The following LTA4H variants were observed in gnomAD, a reference collection of about 807,000 sequenced individuals.
LTA4H encodes leukotriene A4 hydrolase, also known as leukotriene A-4 hydrolase.
In LTA4H, 59 loss-of-function variants were observed where a neutral mutation model predicts 89.8. The observed-to-expected ratio is 0.66, with a 90% CI of 0.53 to 0.82. LTA4H has a LOEUF of 0.82. LTA4H is among the 40% of genes least tolerant of loss of function. The pLI, the probability that LTA4H is intolerant of heterozygous loss-of-function variation, is 0.00. For missense variants in LTA4H, 617 were observed against 727.0 expected, an observed-to-expected ratio of 0.85 and a Z score of 1.74; for synonymous variants, 227 against 253.1, an observed-to-expected ratio of 0.90 and a Z score of 0.98.
At chr12:96,005,110 T>C (rs147537513) in intron 16 of LTA4H, among the ~76,000 whole-genome samples, 8 of 152,320 alleles carry the variant, frequency 5.3e-5, no homozygotes, top group East Asian at 3.9e-4. Flanking sequence ...AATCCAGTCA[T>C]TGGTTTATCT....
In LTA4H at chr12:96,012,933, C is replaced by T. The variant is rs1950325050; in HGVS notation, c.1379+255G>A. The T allele has an allele frequency of 9.8e-6, 4 of 409,848 alleles. No homozygotes were observed. In the East Asian group the frequency reaches 1.5e-4, roughly 15 times the overall value. 25.4% of individuals were successfully genotyped at this position (409,848 alleles called of 1,614,324 possible). ...TATTGCAGAAGTTTGAAGGAAGATA[C>T]AATAGCTTATTGTCTAAATCCCTCA... On this transcript the variant is annotated intron_variant, in intron 14 of 18. Transcript: ENST00000228740.
chr12:96,022,399 T>C lies in LTA4H; in HGVS notation c.481-148A>G, dbSNP rs1265223069. On this transcript the variant is annotated intron_variant, in intron 4 of 18. Coordinates refer to ENST00000228740, the MANE Select transcript of LTA4H (RefSeq NM_000895.3). The surrounding 1 kb of genome is among the most constrained non-coding windows in gnomAD (Gnocchi z 4.0). ...AAAGTATATACATATACAAAAAGTA[T>C]ATATATACACACACATATATATGAA... is the stretch of plus-strand genomic sequence containing the variant. The C allele has an allele frequency of 3.4e-6, 2 of 590,144 alleles. No individual in the cohort carries two copies. Among genetic ancestry groups the C allele is most frequent in the Admixed American group, 3.1e-5 (1 of 32,144 alleles). The allele number at this position is 590,144 out of a possible 1,614,324, so 36.6% of individuals were successfully genotyped here. A position where few individuals can be genotyped will look rare whatever the true frequency, so the allele number is the denominator to read the frequency against.
chr12:96,001,052 C>G lies in LTA4H; in HGVS notation c.1773G>C (p.Glu591Asp). 6.2e-7 allele frequency: 1 copy of G among 1,614,056 alleles called. No individual in the cohort carries two copies. The highest frequency in any genetic ancestry group is 8.5e-7 in the Non-Finnish European group (1 of 1,180,008). ...SHDQAVRTYQEHKASMHPVTA... is the reference protein window; with the variant it reads ...SHDQAVRTYQDHKASMHPVTA... ...TCACGGGATGCATGCTTGCTTTGTG[C>G]TCTTGGTAGGTTCGGACAGCTTGAT... Residue 591 changes from glutamate (E) to aspartate (D), a missense_variant, in exon 19 of 19, where the codon GAG (glutamate) becomes GAC (aspartate). Physicochemically the swap from Glu to Asp is conservative, Grantham distance 45 (BLOSUM62 2). Coordinates refer to ENST00000228740, the MANE Select transcript of LTA4H (RefSeq NM_000895.3).
At chr12:96,002,277 A>C (rs1363360500) in intron 18 of LTA4H, among the ~76,000 whole-genome samples, 1 of 152,226 alleles carries the variant, frequency 6.6e-6, no homozygotes, top group Admixed American at 6.5e-5. Flanking sequence ...GGTCACATCA[A>C]AAAAGAGATA....
upstream of LTA4H, among the ~76,000 whole-genome samples, chr12:96,037,525 G>A (rs967886272): frequency 6.6e-6 from 1 of 152,108 alleles, no homozygotes; most frequent in Non-Finnish European, 1.5e-5. Flanking sequence ...GGGGAAGGTG[G>A]TGATTTTGTT....
At chr12:96,002,815 T>A in intron 18 of LTA4H, 145 bp downstream of exon 18, 1 of 597,188 alleles carries the variant, frequency 1.7e-6, no homozygotes, top group Non-Finnish European at 3.0e-6. Flanking sequence ...TTTAAATATT[T>A]ATAAGTGTGA....
rs2136910439 is a variant in LTA4H at position 96,026,925 on chromosome 12, A to G, written c.411+519T>C. The stretch of plus-strand genomic sequence containing the variant: ...ACAGAAAACAAAAGTAGTTTAAGTC[A>G]TGCAATTTTAAAGGTACAGTTAATA... On this transcript the variant is annotated intron_variant, in intron 3 of 18. Transcript: ENST00000228740. 1.3e-5 allele frequency among the ~76,000 whole-genome samples: 2 copies of G among 152,346 alleles called. 1 individual carries two copies. The highest frequency in any genetic ancestry group is 4.1e-4 in the South Asian group (2 of 4,832).
At chr12:96,026,352 C>T (rs935676756) in intron 3 of LTA4H, among the ~76,000 whole-genome samples, 2 of 152,218 alleles carry the variant, frequency 1.3e-5, no homozygotes, top group African/African-American at 4.8e-5. Flanking sequence ...ATTAATTTAG[C>T]TGAAATCTGT....
rs1565998568 is a variant in LTA4H at position 96,000,954 on chromosome 12, A to G, written c.*35T>C. On this transcript the variant is annotated 3_prime_UTR_variant, in exon 19 of 19. Transcript: ENST00000228740. ...ATTTCTTTACGAATTCCATTTAAAA[A>G]AGAGAAATCTCTAAAATCATCAATA... The G allele has an allele frequency of 7.4e-7, 1 of 1,357,666 alleles. No individual in the cohort carries two copies. The highest frequency in any genetic ancestry group is 1.4e-5 in the African/African-American group (1 of 69,634). The allele number at this position is 1,357,666 out of a possible 1,614,324, so 84.1% of individuals were successfully genotyped here.
intron 1 of LTA4H, among the ~76,000 whole-genome samples, chr12:96,042,563 G>A (rs1950696023): frequency 6.6e-6 from 1 of 152,158 alleles, no homozygotes; most frequent in African/African-American, 2.4e-5. Context: ...CGCTCCACAG[G>A]AAGGTCTTCA....
chr12:96,021,265 T>C, intron 5 of LTA4H, 128 bp from the exon 6 acceptor site: 1 of 609,684 alleles, frequency 1.6e-6, no homozygotes, highest in Non-Finnish European at 2.7e-6. Flanking sequence ...TAGGGATAAC[T>C]TTGCTTTTAT....
upstream of LTA4H, among the ~76,000 whole-genome samples, chr12:96,037,707 T>C (rs1246670895): frequency 4.7e-5 from 7 of 150,278 alleles, no homozygotes; most frequent in Non-Finnish European, 7.4e-5. Flanking sequence ...TTTTTTTTTT[T>C]TTTTGAGACG....
chr12:96,037,695 T>C (rs1013651302), upstream of LTA4H, among the ~76,000 whole-genome samples: 14 of 148,304 alleles, frequency 9.4e-5, no homozygotes, highest in Non-Finnish European at 1.2e-4. Flanking sequence ...GAGAAAGCTT[T>C]TTTTTTTTTT....
intron 1 of LTA4H, among the ~76,000 whole-genome samples, chr12:96,031,324 G>A (rs1249288134): frequency 6.6e-6 from 1 of 152,034 alleles, no homozygotes; most frequent in Non-Finnish European, 1.5e-5. Flanking sequence ...TAGACCAAGA[G>A]AAAACAAAAA....
Position 96,022,370 on chromosome 12 carries a change from A to G in LTA4H, c.481-119T>C, listed in dbSNP as rs929093644. Reference sequence around the variant, plus strand: ...ACTATCTAATAAACAGACTATGAACACAAAAAGTATATACATATACAAAAA... The same window carrying G: ...ACTATCTAATAAACAGACTATGAACGCAAAAAGTATATACATATACAAAAA... On this transcript the variant is annotated intron_variant, in intron 4 of 18. Coordinates refer to ENST00000228740, the MANE Select transcript of LTA4H (RefSeq NM_000895.3). This position sits in a 1 kb window ranked among gnomAD's most constrained non-coding sequence, Gnocchi z 4.0. The G allele has an allele frequency of 7.7e-6, 5 of 646,038 alleles. No homozygotes were observed. The African/African-American group carries it at 9.2e-5, about 12-fold the overall frequency. The allele number at this position is 646,038 out of a possible 1,614,324, so 40.0% of individuals were successfully genotyped here. A position where few individuals can be genotyped will look rare whatever the true frequency, so the allele number is the denominator to read the frequency against.
chr12:96,030,566 C>A lies in LTA4H; in HGVS notation c.160-1381G>T, dbSNP rs375744201. On this transcript the variant is annotated intron_variant, in intron 1 of 18. Coordinates refer to ENST00000228740, the MANE Select transcript of LTA4H (RefSeq NM_000895.3). ...CTCTTCCAGTTACCTAAGGTTTGAT[C>A]CCATTTCCCAACCCCACACAGCCAC... Among the ~76,000 whole-genome samples, 212 of 152,316 alleles carry A rather than the reference C, an allele frequency of 1.4e-3. 3 individuals carry two copies. The highest frequency in any genetic ancestry group is 2.5e-3 in the Non-Finnish European group (168 of 68,020).
At chr12:96,023,545 A>C (rs1950478181) in intron 4 of LTA4H, among the ~76,000 whole-genome samples, 1 of 152,176 alleles carries the variant, frequency 6.6e-6, no homozygotes, top group Admixed American at 6.5e-5. Flanking sequence ...CTTTGCCTCC[A>C]AGTATAATAT....
Position 96,027,506 on chromosome 12 carries a change from G to A in LTA4H, c.349C>T (p.Gln117Ter). 2 of 1,611,104 alleles carry A rather than the reference G, an allele frequency of 1.2e-6. No homozygotes were observed. The highest frequency in any genetic ancestry group is 1.7e-6 in the Non-Finnish European group (2 of 1,177,788). ...FETSPKSSAL[Q>*]WLTPEQTSGK... ...GAAGTCTGTTCAGGAGTGAGCCACT[G>A]GAGAGCAGAAGATTTTGGAGAGGTC... The change falls in exon 3 of 19, where the codon CAG (glutamine) becomes TAG (stop). Residue 117 changes from glutamine (Q) to a stop codon, truncating the protein, a stop_gained. Transcript: ENST00000228740. LOFTEE classifies it high-confidence loss of function.
Position 96,018,921 on chromosome 12 carries a change from A to G in LTA4H, c.712-18T>C, listed in dbSNP as rs200299397. 4.4e-4 allele frequency: 678 copies of G among 1,556,294 alleles called. No homozygotes were observed. Among genetic ancestry groups the G allele is most frequent in the Non-Finnish European group, 5.6e-4 (649 of 1,153,062 alleles). On this transcript the variant is annotated intron_variant, in intron 7 of 18. Transcript: ENST00000228740. ...GATTCAGTCTGAAAAATCAACATAT[A>G]TATGTCTGTATGCCTTAATTATCAC...
Sources: allele counts gnomAD v4.1 joint callset (sites outside exome capture counted in the v4.1 genomes callset), GRCh38; gene constraint gnomAD v4.1.1; non-coding constraint Gnocchi (gnomAD v3.1); transcripts MANE v1.5; gene names NCBI Gene and HGNC (gene_info 2026-07-23, HGNC 2026-07-21).